Variants in LAMA4 observed in about 807,000 individuals in gnomAD.
LAMA4 encodes the protein laminin subunit alpha-4.
Under a neutral mutation model 207.1 loss-of-function variants are expected in LAMA4, and 127 were observed. The observed-to-expected ratio is 0.61, with a 90% CI of 0.53 to 0.71. The LOEUF is 0.71. Ranked by LOEUF, LAMA4 falls within the 30% of genes least tolerant of loss-of-function variation. The pLI, the probability that LAMA4 is intolerant of heterozygous loss-of-function variation, is 0.00. For synonymous variants in LAMA4, 761 were observed against 816.0 expected (o/e 0.93, Z 1.15); for missense variants, 2,093 against 2,246.5 (o/e 0.93, Z 1.38).
chr6:112,199,166 T>C (rs1266365327), intron 5 of LAMA4, among the ~76,000 whole-genome samples: 1 of 152,198 alleles, frequency 6.6e-6, no homozygotes, highest in East Asian at 1.9e-4. Flanking sequence ...TTATCATCTG[T>C]AATTCCTTGT....
chr6:112,144,736 A>C (rs1372426695), intron 19 of LAMA4, 58 bp downstream of exon 19: 9 of 1,586,248 alleles, frequency 5.7e-6, no homozygotes, highest in Non-Finnish European at 6.9e-6. Context: ...AAGCAGTTGG[A>C]GCTCAGCTTC....
intron 2 of LAMA4, chr6:112,253,446 TA>T (rs1173981903): frequency 5.6e-6 from 2 of 357,626 alleles, no homozygotes; most frequent in East Asian, 1.4e-4. Context: ...AGCAGTTGTC[TA>T]ACAGCTCCTT....
rs540626879 is a variant in LAMA4, at chr6:112,201,636, C to A, written c.475G>T (p.Glu159Ter). The A allele has an allele frequency of 6.2e-7, 1 of 1,613,742 alleles. No homozygotes were observed. Among genetic ancestry groups the A allele is most frequent in the African/African-American group, 1.3e-5 (1 of 74,892 alleles). The part of the protein sequence containing the change: ...KNGAVRCICN[E>*]NYAGPNCERC... ...TCACAGTTAGGTCCAGCATAATTTT[C>A]GTTACAAATGCACCGAACAGCTCCA... The change falls in exon 5 of 39, where the codon GAA (glutamate) becomes TAA (stop). Residue 159 changes from glutamate to a stop codon, truncating the protein, a stop_gained. Coordinates refer to ENST00000230538, the MANE Select transcript of LAMA4 (RefSeq NM_001105206.3). LOFTEE classifies it high-confidence loss of function.
At position 112,140,909 on chromosome 6, in the gene LAMA4, C is replaced by G; in HGVS notation, c.2827G>C (p.Gly943Arg). The G allele has an allele frequency of 6.2e-7, 1 of 1,612,184 alleles. No individual in the cohort carries two copies. The highest frequency in any genetic ancestry group is 8.5e-7 in the Non-Finnish European group (1 of 1,178,202). The change falls in exon 22 of 39, where the codon GGA (glycine) becomes CGA (arginine). Residue 943 changes from glycine to arginine, a missense_variant. Gly to Arg is a moderately radical substitution (Grantham distance 125). Transcript: ENST00000230538. ...IVKIERVGKH[G>R]KVFLTVPSLS... Reference sequence around the variant, plus strand: ...CTCGGGACTGTTAAAAACACCTTTCCATGTTTTCCCACCCTATTGAGATAA... The same window carrying G: ...CTCGGGACTGTTAAAAACACCTTTCGATGTTTTCCCACCCTATTGAGATAA...
intron 2 of LAMA4, among the ~76,000 whole-genome samples, chr6:112,224,553 C>T (rs1021335757): frequency 3.9e-5 from 6 of 152,142 alleles, no homozygotes; most frequent in South Asian, 2.1e-4. Context: ...CGGTGGCTCA[C>T]GCCTGTAATC....
At chr6:112,154,019 G>C (rs1366437017) in intron 16 of LAMA4, among the ~76,000 whole-genome samples, 2 of 152,074 alleles carry the variant, frequency 1.3e-5, no homozygotes, top group East Asian at 3.9e-4. Context: ...GAGGTTTTTA[G>C]TTTCAAACTT....
At chr6:112,227,700 T>C (rs1554362990) in intron 2 of LAMA4, among the ~76,000 whole-genome samples, 1 of 152,222 alleles carries the variant, frequency 6.6e-6, no homozygotes, top group African/African-American at 2.4e-5. Context: ...TTGTCCTTCC[T>C]TTGTTTTTCA....
intron 6 of LAMA4, among the ~76,000 whole-genome samples, chr6:112,190,359 T>C (rs1782944306): frequency 6.6e-6 from 1 of 152,260 alleles, no homozygotes; most frequent in African/African-American, 2.4e-5. Context: ...CATTGCTTTT[T>C]TGTAGACATG....
intron 25 of LAMA4, among the ~76,000 whole-genome samples, chr6:112,135,397 A>G (rs1485689572): frequency 1.3e-5 from 2 of 152,162 alleles, no homozygotes; most frequent in East Asian, 3.9e-4. Context: ...GTTCTAATGA[A>G]TCTGCAAAAA....
chr6:112,199,082 C>T (rs1299900619), intron 5 of LAMA4, among the ~76,000 whole-genome samples: 1 of 152,180 alleles, frequency 6.6e-6, no homozygotes, highest in Non-Finnish European at 1.5e-5. Context: ...GAGCCTTCCA[C>T]TCCAGCAGCA....
chr6:112,148,926 C>T (rs1780200548), intron 17 of LAMA4, among the ~76,000 whole-genome samples: 1 of 123,640 alleles, frequency 8.1e-6, no homozygotes, highest in South Asian at 2.5e-4. Flanking sequence ...AATTATAATT[C>T]ATTTAGGTGA....
rs1554324452 is a variant in LAMA4 at position 112,117,767 on chromosome 6, A to G, written c.4953T>C (p.Phe1651=). The G allele has an allele frequency of 1.2e-6, 2 of 1,613,750 alleles. No individual in the cohort carries two copies. The highest frequency in any genetic ancestry group is 3.3e-5 in the Admixed American group (2 of 60,002). ...FEGPMETGTY[F]STEGGYVVLD... ...GAACCACGTATCCTCCTTCTGTTGA[A>G]AAGTAAGTTCCTGTTTCCATGGGGC... Residue 1651 remains phenylalanine (F), a synonymous_variant, in exon 35 of 39, where the codon TTT becomes TTC. Transcript: ENST00000230538. The surrounding 1 kb of genome is among the most constrained non-coding windows in gnomAD (Gnocchi z 4.5).
chr6:112,154,593 A>T (rs185072622), intron 16 of LAMA4, among the ~76,000 whole-genome samples: 1 of 152,268 alleles, frequency 6.6e-6, no homozygotes, highest in Admixed American at 6.5e-5. Context: ...AGCCTATTTG[A>T]TTAGCAGGAA....
intron 8 of LAMA4, among the ~76,000 whole-genome samples, chr6:112,186,081 A>G (rs1209021107): frequency 2.6e-5 from 4 of 152,194 alleles, no homozygotes; most frequent in African/African-American, 9.7e-5. Context: ...CTACAATACA[A>G]TTTTTGTTTT....
intron 18 of LAMA4, among the ~76,000 whole-genome samples, chr6:112,146,274 A>G (rs560234744): frequency 5.9e-5 from 9 of 151,920 alleles, no homozygotes; most frequent in African/African-American, 1.9e-4. Context: ...GGGGCGACAG[A>G]GCGAGACTAT....
At chr6:112,214,444 G>T (rs1784518053) in intron 3 of LAMA4, among the ~76,000 whole-genome samples, 1 of 151,872 alleles carries the variant, frequency 6.6e-6, no homozygotes, top group African/African-American at 2.4e-5. Flanking sequence ...TGTCGCTCTG[G>T]GGGATAGGAA....
intron 2 of LAMA4, among the ~76,000 whole-genome samples, chr6:112,220,908 G>A (rs924633422): frequency 4.6e-5 from 7 of 152,030 alleles, no homozygotes; most frequent in East Asian, 1.9e-4. Flanking sequence ...AAATCTCACC[G>A]TTTCCCAAAC....
At chr6:112,191,451 A>G (rs1235313421) in intron 6 of LAMA4, among the ~76,000 whole-genome samples, 185 bp downstream of exon 6, 1 of 152,224 alleles carries the variant, frequency 6.6e-6, no homozygotes, top group African/African-American at 2.4e-5. Context: ...TTATATTAGT[A>G]GCCTTGATAA....
At chr6:112,124,820 G>T (rs1346837085) in intron 31 of LAMA4, among the ~76,000 whole-genome samples, 1 of 150,926 alleles carries the variant, frequency 6.6e-6, no homozygotes, top group Non-Finnish European at 1.5e-5. Context: ...GCAGTGGCGC[G>T]ATGTCAGCTC....
Sources: gnomAD v4.1 joint callset for allele counts (sites outside exome capture counted in the v4.1 genomes callset) on GRCh38, gnomAD v4.1.1 for gene constraint, Gnocchi (gnomAD v3.1) non-coding constraint, MANE v1.5 for transcripts, NCBI Gene and HGNC (gene_info 2026-07-23, HGNC 2026-07-21) for gene names.